SEC16B: variants seen among roughly 807,000 people sequenced by gnomAD.
SEC16B encodes the protein SEC16 homolog B, endoplasmic reticulum export factor, also known as protein transport protein Sec16B.
SEC16B carries 115 observed loss-of-function variants against 141.8 expected under a neutral mutation model. The observed-to-expected ratio is 0.81, with a 90% CI of 0.70 to 0.95. SEC16B has a LOEUF of 0.95. SEC16B is among the 40% of genes least tolerant of loss of function. SEC16B has a pLI of 0.00. For synonymous variants in SEC16B, 493 were observed against 492.5 expected (o/e 1.00, Z -0.01); for missense variants, 1,291 against 1,312.3 (o/e 0.98, Z 0.25).
intron 17 of SEC16B, among the ~76,000 whole-genome samples, chr1:177,940,309 C>G (rs560970892): frequency 6.6e-6 from 1 of 152,292 alleles, no homozygotes; most frequent in Admixed American, 6.5e-5. Context: ...CTTTGATGGT[C>G]ATGAAACATA....
intron 19 of SEC16B, among the ~76,000 whole-genome samples, chr1:177,936,892 T>C (rs1427582863): frequency 6.6e-6 from 1 of 152,154 alleles, no homozygotes; most frequent in Non-Finnish European, 1.5e-5. Flanking sequence ...AAAGAGAACT[T>C]GGCCTATATT....
At chr1:177,939,874 C>G in intron 17 of SEC16B, 97 bp from the exon 18 acceptor site, 3 of 1,010,488 alleles carry the variant, frequency 3.0e-6, no homozygotes, top group Non-Finnish European at 4.4e-6. Context: ...AAAGAAACTT[C>G]CAGTGGGAAA....
chr1:177,960,638 C>T, intron 7 of SEC16B, 153 bp downstream of exon 7: 1 of 832,180 alleles, frequency 1.2e-6, no homozygotes, highest in South Asian at 1.8e-5. Flanking sequence ...TTCCTGCACC[C>T]TCCTAATCCA....
At chr1:177,965,826 T>C (rs1571349133) in intron 3 of SEC16B, 67 bp downstream of exon 3, 2 of 973,398 alleles carry the variant, frequency 2.1e-6, no homozygotes, top group Non-Finnish European at 3.1e-6. Flanking sequence ...CTTTGGTCTC[T>C]CCCCTGCCTC....
At position 177,967,947 on chromosome 1, in the gene SEC16B, G is replaced by T. The variant is rs1653683863; in HGVS notation, c.35C>A (p.Thr12Lys). 12 of 1,612,644 alleles carry T rather than the reference G, an allele frequency of 7.4e-6. No individual in the cohort carries two copies. Among genetic ancestry groups the T allele is most frequent in the Non-Finnish European group, 1.0e-5 (12 of 1,178,802 alleles). The part of the protein sequence containing the change: ...ELWAPQRLPQ[T>K]RGKATAPSKD... ...TGAGGGTGCTGTGGCCTTCCCTCGT[G>T]TCTGGGGCAGCCTCTGGGGAGCCCA... Residue 12 changes from threonine to lysine, a missense_variant, in exon 2 of 26, where the codon ACA (threonine) becomes AAA (lysine). Transcript: ENST00000308284.
At chr1:177,962,367 G>A (rs2101986815) in intron 5 of SEC16B, among the ~76,000 whole-genome samples, 1 of 151,906 alleles carries the variant, frequency 6.6e-6, no homozygotes, top group African/African-American at 2.4e-5. Flanking sequence ...ACCATGCCTG[G>A]CCCTCCTTCA....
At position 177,937,195 on chromosome 1, in the gene SEC16B, C is replaced by T. The variant is rs761018945; in HGVS notation, c.2503+19G>A. On this transcript the variant is annotated intron_variant, in intron 19 of 25. Coordinates refer to ENST00000308284, the MANE Select transcript of SEC16B (RefSeq NM_033127.4). ...CAGACCCTACATTCAATGTGGCCAC[C>T]CTAGCGGCCAGGTCTTACCAGGGCC... 2.5e-6 allele frequency: 4 copies of T among 1,589,184 alleles called. No homozygotes were observed. Among genetic ancestry groups the T allele is most frequent in the East Asian group, 4.5e-5 (2 of 44,636 alleles).
At chr1:177,965,192 C>G (rs1417686872) in intron 3 of SEC16B, 25 bp from the exon 4 acceptor site, 3 of 1,610,892 alleles carry the variant, frequency 1.9e-6, no homozygotes, top group Non-Finnish European at 2.5e-6. Flanking sequence ...AAAACAAAAT[C>G]AAGACAGGTC....
chr1:177,959,730 G>A (rs1652915621), intron 8 of SEC16B: 1 of 154,018 alleles, frequency 6.5e-6, no homozygotes, highest in Admixed American at 6.4e-5. Context: ...GTTCAGAGAG[G>A]GCTAACTGAC....
intron 9 of SEC16B, 63 bp downstream of exon 9, chr1:177,958,777 T>C: frequency 6.5e-7 from 1 of 1,542,384 alleles, no homozygotes; most frequent in Non-Finnish European, 8.7e-7. Context: ...AACATAATCT[T>C]ATCTATCCCA....
At chr1:177,948,287 G>T (rs1362259324) in intron 12 of SEC16B, 5 of 1,227,248 alleles carry the variant, frequency 4.1e-6, no homozygotes, top group Non-Finnish European at 5.3e-6. Context: ...AAACCCTGAG[G>T]CTTCAGTGGG....
chr1:177,946,559 T>G lies in SEC16B; in HGVS notation c.1664-28A>C, dbSNP rs762071181. ...GCGGGAGGAAGAGAACAAGACCCAA[T>G]CACGGAGCACACCCGTATGGGGAGC... On this transcript the variant is annotated intron_variant, in intron 13 of 25. Transcript: ENST00000308284. The G allele has an allele frequency of 2.0e-6, 3 of 1,521,840 alleles. No homozygotes were observed. The South Asian group carries it at 3.6e-5, about 18-fold the overall frequency. The allele number at this position is 1,521,840 out of a possible 1,614,324, so 94.3% of individuals were successfully genotyped here. A position where few individuals can be genotyped will look rare whatever the true frequency, so the allele number is the denominator to read the frequency against.
Position 177,930,633 on chromosome 1 carries a change from A to G in SEC16B, c.3023T>C (p.Phe1008Ser). The G allele has an allele frequency of 6.2e-7, 1 of 1,613,250 alleles. No homozygotes were observed. Among genetic ancestry groups the G allele is most frequent in the Non-Finnish European group, 8.5e-7 (1 of 1,179,494 alleles). The change falls in exon 25 of 26, where the codon TTT becomes TCT. Residue 1008 changes from phenylalanine to serine, a missense_variant. This residue lies in a region of SEC16B where 605 missense variants were observed against 614.1 expected (regional missense o/e 0.99). Transcript: ENST00000308284. ...GGLSGPESVS[F>S]ELCSNPGVLL... ...AACACCAGGGTTGGAGCAGAGCTCA[A>G]AGGAAACACTCTGTGATGGAAAAGC...
rs1652833792 is a variant in SEC16B at position 177,958,844 on chromosome 1, T to C, written c.1130A>G (p.Asn377Ser). 1 of 1,613,376 alleles carries C rather than the reference T, an allele frequency of 6.2e-7. No individual in the cohort carries two copies. Among genetic ancestry groups the C allele is most frequent in the Non-Finnish European group, 8.5e-7 (1 of 1,179,478 alleles). The change falls in exon 9 of 26, where the codon AAT (asparagine) becomes AGT (serine). Residue 377 changes from asparagine to serine, a missense_variant. Transcript: ENST00000308284. ...WQLLVLLCRQ[N>S]GSMVGSDIAE... ...TCCCACCAGAACAGAACTTACCCCA[T>C]TCTGGCGACAAAGGAGAACCAAGAG...
chr1:177,964,305 A>C (rs1228709998), intron 4 of SEC16B, 26 bp from the exon 5 acceptor site: 1 of 1,573,838 alleles, frequency 6.4e-7, no homozygotes, highest in Non-Finnish European at 8.7e-7. Context: ...AGGAGCAGTG[A>C]GCGGGGTCCT....
intron 6 of SEC16B, 80 bp from the exon 7 acceptor site, chr1:177,961,019 G>A (rs1480827609): frequency 2.7e-6 from 4 of 1,492,816 alleles, no homozygotes; most frequent in Non-Finnish European, 3.6e-6. Context: ...TGCCACAGAT[G>A]TATTTCTGCC....
Position 177,967,640 on chromosome 1 carries a change from G to A in SEC16B, c.299+43C>T, listed in dbSNP as rs375860701. ...AAGGAAAAGAACAACCTATTCATAC[G>A]CATTTAGGAGAGTTGCATTCATTCC... On this transcript the variant is annotated intron_variant, in intron 2 of 25. Transcript: ENST00000308284. The A allele has an allele frequency of 1.9e-4, 277 of 1,482,600 alleles. 1 individual carries two copies. The African/African-American group carries it at 3.3e-3, about 18-fold the overall frequency. 91.8% of individuals were successfully genotyped at this position (1,482,600 alleles called of 1,614,324 possible).
rs878874829 is a variant in SEC16B, at chr1:177,932,678, A to G, written c.2932+20T>C. 2 of 1,552,320 alleles carry G rather than the reference A, an allele frequency of 1.3e-6. No homozygotes were observed. Among genetic ancestry groups the G allele is most frequent in the Admixed American group, 1.9e-5 (1 of 52,198 alleles). On this transcript the variant is annotated intron_variant, in intron 23 of 25. Coordinates refer to ENST00000308284, the MANE Select transcript of SEC16B (RefSeq NM_033127.4). ...GCTGAGGGGACCACCCATGGCCCAG[A>G]GGACGTGAGGTGACGGTACCTCTGC...
intron 15 of SEC16B, among the ~76,000 whole-genome samples, chr1:177,943,132 C>T (rs1651409062): frequency 6.6e-6 from 1 of 152,156 alleles, no homozygotes; most frequent in African/African-American, 2.4e-5. Flanking sequence ...AATCTCATTA[C>T]TATCAGCCCC....
Sources: gnomAD v4.1 joint callset for allele counts (sites outside exome capture counted in the v4.1 genomes callset) on GRCh38, gnomAD v4.1.1 for gene constraint, gnomAD v4.1.1 regional missense constraint, MANE v1.5 for transcripts, NCBI Gene and HGNC (gene_info 2026-07-23, HGNC 2026-07-21) for gene names.